Variants in ARNT2 observed in about 807,000 individuals in gnomAD.
ARNT2 encodes the protein aryl hydrocarbon receptor nuclear translocator 2.
A neutral mutation model predicts 91.7 loss-of-function variants in ARNT2; 36 were observed. That is an observed-to-expected ratio of 0.39 (90% CI 0.30 to 0.52). The LOEUF (loss-of-function observed/expected upper bound fraction) is 0.52, where lower values mean the gene tolerates loss of function less well. ARNT2 is among the 20% of genes least tolerant of loss of function. The probability of loss-of-function intolerance (pLI) is 0.72; values close to 1 mark genes in which losing one functional copy is unlikely to be tolerated. For synonymous variants in ARNT2, 365 were observed against 347.1 expected, an observed-to-expected ratio of 1.05 and a Z score of -0.57; for missense variants, 775 against 939.3, an observed-to-expected ratio of 0.83 and a Z score of 2.29.
intron 3 of ARNT2, among the ~76,000 whole-genome samples, chr15:80,469,204 G>C (rs1595976325): frequency 6.6e-6 from 1 of 151,702 alleles, no homozygotes; most frequent in East Asian, 2.0e-4. Flanking sequence ...AAGGTAAAAA[G>C]CCTGGGTTGG....
intron 8 of ARNT2, among the ~76,000 whole-genome samples, chr15:80,541,248 G>A (rs969401125): frequency 6.6e-6 from 1 of 152,152 alleles, no homozygotes; most frequent in African/African-American, 2.4e-5. Flanking sequence ...GTGATGTTGA[G>A]CATTTTTTCA....
At chr15:80,514,117 A>T in intron 7 of ARNT2, 141 bp downstream of exon 7, 1 of 976,954 alleles carries the variant, frequency 1.0e-6, no homozygotes, top group Non-Finnish European at 1.6e-6. Flanking sequence ...AGTGGCAGAG[A>T]TGAGAGAGAA....
chr15:80,410,210 G>A (rs1895660642), intron 1 of ARNT2, among the ~76,000 whole-genome samples: 1 of 152,148 alleles, frequency 6.6e-6, no homozygotes, highest in South Asian at 2.1e-4. Context: ...AGTTATACTG[G>A]GGGCAGGGAT....
intron 11 of ARNT2, 158 bp downstream of exon 11, chr15:80,555,297 A>G (rs1898160395): frequency 1.5e-6 from 1 of 653,342 alleles, no homozygotes; most frequent in Admixed American, 2.6e-5. Context: ...ACAGTCTAGT[A>G]GGGAAGACAG....
At chr15:80,506,795 C>T (rs1013603594) in intron 5 of ARNT2, among the ~76,000 whole-genome samples, 10 of 152,150 alleles carry the variant, frequency 6.6e-5, no homozygotes, top group Non-Finnish European at 1.5e-4. Flanking sequence ...CTGAGAATGC[C>T]AACATGGGGT....
At chr15:80,442,257 C>T (rs1426677302) in intron 1 of ARNT2, among the ~76,000 whole-genome samples, 4 of 152,188 alleles carry the variant, frequency 2.6e-5, no homozygotes, top group Non-Finnish European at 2.9e-5. Flanking sequence ...CATCGTACTT[C>T]GTTCCTCCCA....
At chr15:80,542,261 C>T (rs1434163631) in intron 8 of ARNT2, among the ~76,000 whole-genome samples, 1 of 152,202 alleles carries the variant, frequency 6.6e-6, no homozygotes, top group Non-Finnish European at 1.5e-5. Context: ...GTTATTTTAA[C>T]ATTATTCTAC....
At chr15:80,585,307 T>C (rs1898875817) in intron 17 of ARNT2, among the ~76,000 whole-genome samples, 1 of 152,170 alleles carries the variant, frequency 6.6e-6, no homozygotes, top group South Asian at 2.1e-4. Flanking sequence ...TTTATTCCCT[T>C]AACAAAGTAA....
intron 8 of ARNT2, among the ~76,000 whole-genome samples, chr15:80,536,565 T>C (rs992959835): frequency 6.6e-6 from 1 of 152,222 alleles, no homozygotes; most frequent in Non-Finnish European, 1.5e-5. Flanking sequence ...TCCTTGTCTA[T>C]GTCTGCAGCT....
chr15:80,549,421 CAG>C lies in ARNT2; in HGVS notation c.878-1777_878-1776del, dbSNP rs1343844286. Reference sequence around the variant, plus strand: ...TTTAAATCACCACAAAGTCAAAAGACAGGGGACCATCTGGAAGAACATATTCA... The same window carrying C: ...TTTAAATCACCACAAAGTCAAAAGACGGGACCATCTGGAAGAACATATTCA... On this transcript the variant is annotated intron_variant, in intron 8 of 18. Coordinates refer to ENST00000303329, the MANE Select transcript of ARNT2 (RefSeq NM_014862.4). 2.6e-5 allele frequency among the ~76,000 whole-genome samples: 4 copies of C among 152,036 alleles called. No homozygotes were observed. The South Asian group carries it at 6.2e-4, about 24-fold the overall frequency.
At position 80,420,715 on chromosome 15, in the gene ARNT2, T is replaced by C. The variant is rs141288728; in HGVS notation, c.31+16169T>C. Among the ~76,000 whole-genome samples, 95 of 152,208 alleles carry C rather than the reference T, an allele frequency of 6.2e-4. 1 individual carries two copies. Among genetic ancestry groups the C allele is most frequent in the African/African-American group, 2.3e-3 (95 of 41,540 alleles). ...ATTGGAATGAATGAATTAGAATGAA[T>C]ATATATGTACATATGTTCATTCCAA... On this transcript the variant is annotated intron_variant, in intron 1 of 18. Transcript: ENST00000303329.
At chr15:80,449,807 T>G (rs978814027) in intron 1 of ARNT2, among the ~76,000 whole-genome samples, 1 of 152,206 alleles carries the variant, frequency 6.6e-6, no homozygotes, top group Non-Finnish European at 1.5e-5. Context: ...ACACCAACCA[T>G]GCACTGTCAA....
At chr15:80,415,902 G>A (rs1439241812) in intron 1 of ARNT2, among the ~76,000 whole-genome samples, 2 of 152,150 alleles carry the variant, frequency 1.3e-5, no homozygotes, top group African/African-American at 2.4e-5. Flanking sequence ...AAGGCACCTT[G>A]AGCTCAAGAC....
intron 8 of ARNT2, among the ~76,000 whole-genome samples, chr15:80,520,065 A>G (rs2141432930): frequency 6.7e-6 from 1 of 150,300 alleles, no homozygotes; most frequent in African/African-American, 2.5e-5. Context: ...GCAGGTTTGC[A>G]TGACCCAGTT....
intron 8 of ARNT2, among the ~76,000 whole-genome samples, chr15:80,533,619 G>A (rs1596001758): frequency 6.6e-6 from 1 of 152,346 alleles, no homozygotes; most frequent in Admixed American, 6.5e-5. Context: ...AATGAAGCAT[G>A]TCATGGTTTC....
chr15:80,513,314 C>T (rs1376346623), intron 6 of ARNT2, among the ~76,000 whole-genome samples: 2 of 152,168 alleles, frequency 1.3e-5, no homozygotes, highest in Non-Finnish European at 2.9e-5. Flanking sequence ...CAGATGGGGA[C>T]TCACAGAAAG....
intron 11 of ARNT2, among the ~76,000 whole-genome samples, chr15:80,561,324 G>T (rs1203273368): frequency 6.6e-6 from 1 of 152,144 alleles, no homozygotes; most frequent in East Asian, 1.9e-4. Context: ...TCTGGGGTCT[G>T]CACATGCCTG....
chr15:80,442,300 A>G (rs1354724941), intron 1 of ARNT2, among the ~76,000 whole-genome samples: 1 of 152,234 alleles, frequency 6.6e-6, no homozygotes, highest in Non-Finnish European at 1.5e-5. Context: ...CCAGGTTAGC[A>G]TAGGGGTGGT....
At chr15:80,508,953 T>C (rs1343560422) in intron 6 of ARNT2, among the ~76,000 whole-genome samples, 2 of 152,226 alleles carry the variant, frequency 1.3e-5, no homozygotes, top group African/African-American at 2.4e-5. Context: ...CTGTGCCCCC[T>C]GAGGGATGGT....
Sources: allele counts gnomAD v4.1 joint callset (sites outside exome capture counted in the v4.1 genomes callset), GRCh38; gene constraint gnomAD v4.1.1; transcripts MANE v1.5; gene names NCBI Gene and HGNC (gene_info 2026-07-23, HGNC 2026-07-21).